KIRREL3: variants seen among roughly 807,000 people sequenced by gnomAD.
KIRREL3 encodes kin of IRRE-like protein 3.
A neutral mutation model predicts 89.7 loss-of-function variants in KIRREL3; 36 were observed. That is an observed-to-expected ratio of 0.40 (90% confidence interval 0.31 to 0.53). The LOEUF (loss-of-function observed/expected upper bound fraction) is 0.53, where lower values mean the gene tolerates loss of function less well. KIRREL3 is among the 20% of genes least tolerant of loss of function. The pLI, the probability that KIRREL3 is intolerant of heterozygous loss-of-function variation, is 0.49. For missense variants in KIRREL3, 864 were observed against 1,056.6 expected (o/e 0.82, Z 2.53); for synonymous variants, 445 against 441.4 (o/e 1.01, Z -0.10).
At position 126,571,641 on chromosome 11, in the gene KIRREL3, G is replaced by A. The variant is rs1274153789; in HGVS notation, c.56-8729C>T. Among the ~76,000 whole-genome samples, 4 of 152,120 alleles carry A rather than the reference G, an allele frequency of 2.6e-5. No homozygotes were observed. Among genetic ancestry groups the A allele is most frequent in the Admixed American group, 2.6e-4 (4 of 15,274 alleles). Reference sequence around the variant, plus strand: ...ATTCCTATTTGACAGAAGGGAAACCGAGGATCCAAAAGGTTACAAAACTTC... The same window carrying A: ...ATTCCTATTTGACAGAAGGGAAACCAAGGATCCAAAAGGTTACAAAACTTC... On this transcript the variant is annotated intron_variant, in intron 1 of 16. Transcript: ENST00000525144. This position sits in a 1 kb window ranked among gnomAD's most constrained non-coding sequence, Gnocchi z 7.7.
intron 15 of KIRREL3, among the ~76,000 whole-genome samples, chr11:126,426,814 T>C (rs1954956547): frequency 6.6e-6 from 1 of 152,254 alleles, no homozygotes; most frequent in Non-Finnish European, 1.5e-5. Context: ...GCCACCCGGC[T>C]GCCTCCTCAC....
intron 1 of KIRREL3, among the ~76,000 whole-genome samples, chr11:126,613,747 G>T (rs971428577): frequency 4.0e-5 from 6 of 151,836 alleles, no homozygotes; most frequent in Non-Finnish European, 7.4e-5. Context: ...TTATTTTCTC[G>T]ATGTGCATTT....
rs1251231014 is a variant in KIRREL3 at position 126,694,196 on chromosome 11, G to A, written c.56-131284C>T. Among the ~76,000 whole-genome samples, 1 of 152,214 alleles carries A rather than the reference G, an allele frequency of 6.6e-6. No homozygotes were observed. The highest frequency in any genetic ancestry group is 1.9e-4 in the East Asian group (1 of 5,198). Reference sequence around the variant, plus strand: ...AGTAAAAGAAAATTGCAGGGATGGGGAAATAATGAAAAAGGCTCTTTGTTT... The same window carrying A: ...AGTAAAAGAAAATTGCAGGGATGGGAAAATAATGAAAAAGGCTCTTTGTTT... On this transcript the variant is annotated intron_variant, in intron 1 of 16. Transcript: ENST00000525144. This position sits in a 1 kb window ranked among gnomAD's most constrained non-coding sequence, Gnocchi z 4.4.
At position 126,435,290 on chromosome 11, in the gene KIRREL3, C is replaced by A; in HGVS notation, c.1566G>T (p.Lys522Asn). The change falls in exon 13 of 17, where the codon AAG (lysine) becomes AAT (asparagine). Residue 522 changes from lysine (K) to asparagine (N), a missense_variant. Physicochemically the swap from Lys to Asn is moderately conservative, Grantham distance 94. Transcript: ENST00000525144. The stretch of plus-strand genomic sequence containing the variant: ...TACCTGCTTCCAGCCCGGCTCCCGA[C>A]TTCATTTCCGAACCTGTTTGGAAAT... Reference protein sequence around the residue: ...IRLKEQGSEMKSGAGLEAESV... With the variant: ...IRLKEQGSEMNSGAGLEAESV... The A allele has an allele frequency of 6.2e-7, 1 of 1,613,484 alleles. No homozygotes were observed. The highest frequency in any genetic ancestry group is 8.5e-7 in the Non-Finnish European group (1 of 1,179,594).
intron 1 of KIRREL3, among the ~76,000 whole-genome samples, chr11:126,952,204 A>G (rs1948793585): frequency 6.6e-6 from 1 of 152,152 alleles, no homozygotes; most frequent in Non-Finnish European, 1.5e-5. Flanking sequence ...TGGCCTACAC[A>G]GTGAGACCCT....
Position 126,696,767 on chromosome 11 carries a change from C to A in KIRREL3, c.56-133855G>T, listed in dbSNP as rs922169267. Among the ~76,000 whole-genome samples, 11 of 152,188 alleles carry A rather than the reference C, an allele frequency of 7.2e-5. 1 individual carries two copies. The highest frequency in any genetic ancestry group is 2.6e-4 in the Admixed American group (4 of 15,282). On this transcript the variant is annotated intron_variant, in intron 1 of 16. Coordinates refer to ENST00000525144, the MANE Select transcript of KIRREL3 (RefSeq NM_032531.4). This position sits in a 1 kb window ranked among gnomAD's most constrained non-coding sequence, Gnocchi z 4.4. Reference sequence around the variant, plus strand: ...CACCGCCAGTGGACACACCGAACACCCCTCTTGTCCAAACACACTGCAGCT... The same window carrying A: ...CACCGCCAGTGGACACACCGAACACACCTCTTGTCCAAACACACTGCAGCT...
At position 126,768,656 on chromosome 11, in the gene KIRREL3, C is replaced by T. The variant is rs562547259; in HGVS notation, c.56-205744G>A. 1.8e-4 allele frequency among the ~76,000 whole-genome samples: 28 copies of T among 152,240 alleles called. 2 individuals are homozygous for T. In the South Asian group the frequency reaches 5.6e-3, roughly 30 times the overall value. On this transcript the variant is annotated intron_variant, in intron 1 of 16. Coordinates refer to ENST00000525144, the MANE Select transcript of KIRREL3 (RefSeq NM_032531.4). The surrounding 1 kb of genome is among the most constrained non-coding windows in gnomAD (Gnocchi z 4.5). Reference sequence around the variant, plus strand: ...GGAGGATGTGACCTTTGGGCTAAGACCTGCACAGGAGAGCCCATCCCTCAA... The same window carrying T: ...GGAGGATGTGACCTTTGGGCTAAGATCTGCACAGGAGAGCCCATCCCTCAA...
chr11:126,703,456 A>G lies in KIRREL3; in HGVS notation c.56-140544T>C, dbSNP rs1947392345. Among the ~76,000 whole-genome samples, 1 of 152,218 alleles carries G rather than the reference A, an allele frequency of 6.6e-6. No homozygotes were observed. Among genetic ancestry groups the G allele is most frequent in the Non-Finnish European group, 1.5e-5 (1 of 68,040 alleles). ...TGCCAGGCTCTGTGCTAAGTGCTTT[A>G]CATTTTATCCTCCCCTCCACCCTAT... On this transcript the variant is annotated intron_variant, in intron 1 of 16. Coordinates refer to ENST00000525144, the MANE Select transcript of KIRREL3 (RefSeq NM_032531.4). The surrounding 1 kb of genome is among the most constrained non-coding windows in gnomAD (Gnocchi z 4.6).
chr11:126,786,893 G>T (rs999748531), intron 1 of KIRREL3, among the ~76,000 whole-genome samples: 5 of 152,202 alleles, frequency 3.3e-5, no homozygotes, highest in Admixed American at 3.3e-4. Flanking sequence ...TGGAGAGTCT[G>T]CAGGAAGGGA....
Position 126,905,911 on chromosome 11 carries a change from T to C in KIRREL3, c.55+94544A>G, listed in dbSNP as rs1592324583. Among the ~76,000 whole-genome samples, 1 of 152,204 alleles carries C rather than the reference T, an allele frequency of 6.6e-6. No individual in the cohort carries two copies. The highest frequency in any genetic ancestry group is 1.5e-5 in the Non-Finnish European group (1 of 68,032). ...CTGGTGCAGCACAGCTAAGTGAGGA[T>C]GCACGGAGGAGATGAAACAGGCTGA... On this transcript the variant is annotated intron_variant, in intron 1 of 16. Transcript: ENST00000525144. The surrounding 1 kb of genome is among the most constrained non-coding windows in gnomAD (Gnocchi z 5.0).
At chr11:126,986,759 G>A (rs558741459) in intron 1 of KIRREL3, among the ~76,000 whole-genome samples, 12 of 152,302 alleles carry the variant, frequency 7.9e-5, no homozygotes, top group South Asian at 4.1e-4. Flanking sequence ...GACAGATCCC[G>A]ATTCCTGATG....
At chr11:126,529,830 A>G (rs1958888125) in intron 2 of KIRREL3, among the ~76,000 whole-genome samples, 1 of 150,616 alleles carries the variant, frequency 6.6e-6, no homozygotes, top group East Asian at 1.9e-4. Context: ...TTGAGTCACT[A>G]TAATTACTTT....
rs899169469 is a variant in KIRREL3, at chr11:126,429,762, C to T, written c.1697-474G>A. On this transcript the variant is annotated intron_variant, in intron 14 of 16. Coordinates refer to ENST00000525144, the MANE Select transcript of KIRREL3 (RefSeq NM_032531.4). This position sits in a 1 kb window ranked among gnomAD's most constrained non-coding sequence, Gnocchi z 5.2. ...GAAACGCCCCTGAGGCAGTGGGCAG[C>T]TTCTCTGTCGACGCCTCCGTGATGG... 2.0e-5 allele frequency among the ~76,000 whole-genome samples: 3 copies of T among 152,264 alleles called. No homozygotes were observed. The highest frequency in any genetic ancestry group is 4.4e-5 in the Non-Finnish European group (3 of 68,056).
chr11:126,951,631 T>C (rs147875339), intron 1 of KIRREL3, among the ~76,000 whole-genome samples: 25 of 152,310 alleles, frequency 1.6e-4, no homozygotes, highest in African/African-American at 6.0e-4. Context: ...CAATGAGAAA[T>C]GCATGCCTAC....
rs1311124947 is a variant in KIRREL3 at position 126,742,351 on chromosome 11, G to A, written c.56-179439C>T. 6.6e-6 allele frequency among the ~76,000 whole-genome samples: 1 copy of A among 152,118 alleles called. No homozygotes were observed. The highest frequency in any genetic ancestry group is 1.5e-5 in the Non-Finnish European group (1 of 68,020). On this transcript the variant is annotated intron_variant, in intron 1 of 16. Transcript: ENST00000525144. The surrounding 1 kb of genome is among the most constrained non-coding windows in gnomAD (Gnocchi z 5.3). ...GTTGGGAGAAGTGTGGTATTCTTAG[G>A]ATAGTGTATCCTAACCTGCTTGTGG...
Position 126,579,555 on chromosome 11 carries a change from G to A in KIRREL3, c.56-16643C>T, listed in dbSNP as rs1941432272. 6.6e-6 allele frequency among the ~76,000 whole-genome samples: 1 copy of A among 152,184 alleles called. No homozygotes were observed. The highest frequency in any genetic ancestry group is 2.1e-4 in the South Asian group (1 of 4,818). ...CATGCAAGAAGCCAGTGGAAGAGGA[G>A]AACTGGGGAGACAGAGAGTGAGAAA... is the stretch of plus-strand genomic sequence containing the variant. On this transcript the variant is annotated intron_variant, in intron 1 of 16. Coordinates refer to ENST00000525144, the MANE Select transcript of KIRREL3 (RefSeq NM_032531.4). This position sits in a 1 kb window ranked among gnomAD's most constrained non-coding sequence, Gnocchi z 5.3.
In KIRREL3 at chr11:126,425,738, A is replaced by G; in HGVS notation, c.1807-14T>C. 6.3e-7 allele frequency: 1 copy of G among 1,583,506 alleles called. No individual in the cohort carries two copies. Among genetic ancestry groups the G allele is most frequent in the African/African-American group, 1.3e-5 (1 of 74,402 alleles). ...ACCCCGGTCCATCTGCAACCCAAAA[A>G]AGGCTGCTCAGTAGATAGGAGGTGG... On this transcript the variant is annotated splice_polypyrimidine_tract_variant and intron_variant, in intron 15 of 16. Coordinates refer to ENST00000525144, the MANE Select transcript of KIRREL3 (RefSeq NM_032531.4).
intron 1 of KIRREL3, among the ~76,000 whole-genome samples, chr11:126,922,261 C>T (rs990124971): frequency 6.6e-6 from 1 of 151,936 alleles, no homozygotes; most frequent in African/African-American, 2.4e-5. Context: ...CTCAACTGGC[C>T]CCTCCATGCT....
rs1450081957 is a variant in KIRREL3 at position 126,656,630 on chromosome 11, C to T, written c.56-93718G>A. Among the ~76,000 whole-genome samples, 1 of 152,208 alleles carries T rather than the reference C, an allele frequency of 6.6e-6. No individual in the cohort carries two copies. The highest frequency in any genetic ancestry group is 6.5e-5 in the Admixed American group (1 of 15,276). ...AGTTTAAATCTTCATGCTTTTACCA[C>T]CTTATACTGAGTAAGAAGATGAATT... On this transcript the variant is annotated intron_variant, in intron 1 of 16. Transcript: ENST00000525144. This position sits in a 1 kb window ranked among gnomAD's most constrained non-coding sequence, Gnocchi z 4.0.
Sources: allele counts gnomAD v4.1 joint callset (sites outside exome capture counted in the v4.1 genomes callset), GRCh38; gene constraint gnomAD v4.1.1; non-coding constraint Gnocchi (gnomAD v3.1); transcripts MANE v1.5; gene names NCBI Gene and HGNC (gene_info 2026-07-23, HGNC 2026-07-21).